The following FGF2 variants were observed in gnomAD, a reference collection of about 807,000 sequenced individuals.
FGF2 encodes fibroblast growth factor 2.
FGF2 carries 13 observed loss-of-function variants against 15.9 expected under a neutral mutation model. That is an observed-to-expected ratio of 0.82 (90% CI 0.53 to 1.30). FGF2 has a LOEUF of 1.30. FGF2 is among the 50% of genes most tolerant of loss of function. The pLI is 0.00. For synonymous variants in FGF2, 90 were observed against 78.4 expected (o/e 1.15, Z -0.78); for missense variants, 163 against 196.9 (o/e 0.83, Z 1.03).
intron 2 of FGF2, among the ~76,000 whole-genome samples, chr4:122,876,817 G>A (rs971481889): frequency 3.3e-5 from 5 of 152,124 alleles, no homozygotes; most frequent in Non-Finnish European, 5.9e-5. Context: ...AGAATGTGAC[G>A]TACAAAACAC....
chr4:122,867,830 C>T (rs1284924190), intron 1 of FGF2, among the ~76,000 whole-genome samples: 1 of 152,130 alleles, frequency 6.6e-6, no homozygotes, highest in Non-Finnish European at 1.5e-5. Context: ...TTTTAGAGTT[C>T]TATTATTAGC....
intron 1 of FGF2, among the ~76,000 whole-genome samples, chr4:122,830,403 C>T (rs1321624380): frequency 6.8e-6 from 1 of 147,736 alleles, no homozygotes; most frequent in Non-Finnish European, 1.5e-5. Flanking sequence ...TCCAATTTTT[C>T]AGTGTTGCTG....
chr4:122,839,090 G>A (rs754885265), intron 1 of FGF2, among the ~76,000 whole-genome samples: 4 of 152,130 alleles, frequency 2.6e-5, no homozygotes, highest in Non-Finnish European at 5.9e-5. Context: ...GATTGTGTAA[G>A]TACACTCTAT....
chr4:122,848,399 T>A (rs888651195), intron 1 of FGF2, among the ~76,000 whole-genome samples: 42 of 152,228 alleles, frequency 2.8e-4, no homozygotes, highest in Admixed American at 2.7e-3. Context: ...AGAAAGGACA[T>A]AATTATGTTA....
At chr4:122,875,537 G>A (rs1243100149) in intron 1 of FGF2, among the ~76,000 whole-genome samples, 4 of 151,830 alleles carry the variant, frequency 2.6e-5, no homozygotes, top group Non-Finnish European at 5.9e-5. Flanking sequence ...GGCCGGGCGC[G>A]GTGGCTCATG....
intron 1 of FGF2, among the ~76,000 whole-genome samples, chr4:122,838,116 C>T (rs1225997099): frequency 2.0e-5 from 3 of 152,058 alleles, no homozygotes; most frequent in Non-Finnish European, 4.4e-5. Context: ...TGAAAAATAA[C>T]GAATTACAGA....
At chr4:122,855,974 A>G (rs893605788) in intron 1 of FGF2, among the ~76,000 whole-genome samples, 1 of 152,210 alleles carries the variant, frequency 6.6e-6, no homozygotes, top group Non-Finnish European at 1.5e-5. Context: ...ACTATGAAGA[A>G]TAGGGATTGG....
chr4:122,874,871 T>C (rs964659882), intron 1 of FGF2, among the ~76,000 whole-genome samples: 5 of 152,180 alleles, frequency 3.3e-5, no homozygotes, highest in African/African-American at 1.2e-4. Flanking sequence ...TTTCTAATGT[T>C]ATTCAAATGA....
chr4:122,850,667 T>A (rs1726210712), intron 1 of FGF2, among the ~76,000 whole-genome samples: 1 of 152,014 alleles, frequency 6.6e-6, no homozygotes, highest in African/African-American at 2.4e-5. Flanking sequence ...AAGATTTAGG[T>A]TGAAACAGAC....
chr4:122,894,577 A>C lies in FGF2; in HGVS notation c.*2181A>C, dbSNP rs950234380. On this transcript the variant is annotated 3_prime_UTR_variant, in exon 3 of 3. Transcript: ENST00000644866. Reference sequence around the variant, plus strand: ...AGTCCAGCCTAGGCAACAGAGTGAGACTTTGTCTCAAAAAAAGAGAAATTT... The same window carrying C: ...AGTCCAGCCTAGGCAACAGAGTGAGCCTTTGTCTCAAAAAAAGAGAAATTT... The C allele has an allele frequency of 1.3e-5, 2 of 152,170 alleles. No homozygotes were observed. Among genetic ancestry groups the C allele is most frequent in the African/African-American group, 4.8e-5 (2 of 41,426 alleles). 9.4% of individuals were successfully genotyped at this position (152,170 alleles called of 1,614,324 possible). A position where few individuals can be genotyped will look rare whatever the true frequency, so the allele number is the denominator to read the frequency against.
intron 1 of FGF2, among the ~76,000 whole-genome samples, chr4:122,829,174 T>C (rs190704558): frequency 2.6e-5 from 4 of 152,332 alleles, no homozygotes; most frequent in Non-Finnish European, 2.9e-5. Flanking sequence ...GCATACCACA[T>C]TACCACCGTT....
chr4:122,829,078 A>C (rs1167372748), intron 1 of FGF2, among the ~76,000 whole-genome samples: 1 of 152,158 alleles, frequency 6.6e-6, no homozygotes, highest in African/African-American at 2.4e-5. Flanking sequence ...TAGTTGCTGA[A>C]TCATTTTTTC....
chr4:122,852,335 T>G (rs1397240175), intron 1 of FGF2, among the ~76,000 whole-genome samples: 1 of 152,182 alleles, frequency 6.6e-6, no homozygotes, highest in East Asian at 1.9e-4. Flanking sequence ...CCAGGTGCTG[T>G]CTCTCTCAGG....
Position 122,897,789 on chromosome 4 carries a change from T to C in FGF2, c.*5393T>C. 2 of 758,848 alleles carry C rather than the reference T, an allele frequency of 2.6e-6. No homozygotes were observed. Among genetic ancestry groups the C allele is most frequent in the Non-Finnish European group, 4.5e-6 (2 of 448,260 alleles). The allele number at this position is 758,848 out of a possible 1,614,324, so 47.0% of individuals were successfully genotyped here. A position where few individuals can be genotyped will look rare whatever the true frequency, so the allele number is the denominator to read the frequency against. ...GTCAAAGTGGTTGAGAATATATTTT[T>C]TAGTAATTGCATGCAAAATTTTTCT... On this transcript the variant is annotated 3_prime_UTR_variant, in exon 3 of 3. Transcript: ENST00000644866.
chr4:122,864,521 TG>T (rs2150778013), intron 1 of FGF2, among the ~76,000 whole-genome samples: 1 of 152,338 alleles, frequency 6.6e-6, no homozygotes, highest in African/African-American at 2.4e-5. Context: ...ATTTTCCTGA[TG>T]GTCTCATATT....
intron 2 of FGF2, among the ~76,000 whole-genome samples, chr4:122,879,444 T>C (rs186672697): frequency 3.3e-4 from 51 of 152,344 alleles, no homozygotes; most frequent in Admixed American, 9.1e-4. Context: ...TTTGCTCCTG[T>C]TATAACTAAC....
chr4:122,830,674 A>G (rs962619621), intron 1 of FGF2, among the ~76,000 whole-genome samples: 1 of 152,268 alleles, frequency 6.6e-6, no homozygotes, highest in South Asian at 2.1e-4. Context: ...TGTACTCTAA[A>G]GTAGCAAGCT....
At chr4:122,886,823 C>T (rs1222051476) in intron 2 of FGF2, among the ~76,000 whole-genome samples, 1 of 152,044 alleles carries the variant, frequency 6.6e-6, no homozygotes, top group Non-Finnish European at 1.5e-5. Context: ...AGCCATTTCT[C>T]CAAAGAGCAT....
Position 122,897,708 on chromosome 4 carries a change from A to T in FGF2, c.*5312A>T. On this transcript the variant is annotated 3_prime_UTR_variant, in exon 3 of 3. Coordinates refer to ENST00000644866, the MANE Select transcript of FGF2 (RefSeq NM_001361665.2). Reference sequence around the variant, plus strand: ...AGTATAAAGTCAGAAAATAAAGTTAACATAACTTTCACTAACACACACATA... The same window carrying T: ...AGTATAAAGTCAGAAAATAAAGTTATCATAACTTTCACTAACACACACATA... The T allele has an allele frequency of 2.1e-6, 3 of 1,462,118 alleles. No individual in the cohort carries two copies. The highest frequency in any genetic ancestry group is 2.9e-6 in the Non-Finnish European group (3 of 1,041,334). 90.6% of individuals were successfully genotyped at this position (1,462,118 alleles called of 1,614,324 possible). A position where few individuals can be genotyped will look rare whatever the true frequency, so the allele number is the denominator to read the frequency against.
Sources: gnomAD v4.1 joint callset for allele counts (sites outside exome capture counted in the v4.1 genomes callset) on GRCh38, gnomAD v4.1.1 for gene constraint, MANE v1.5 for transcripts, NCBI Gene and HGNC (gene_info 2026-07-23, HGNC 2026-07-21) for gene names.